GRIK4: variants seen among roughly 807,000 people sequenced by gnomAD.
GRIK4 encodes glutamate receptor ionotropic, kainate 4.
Under a neutral mutation model 104.9 loss-of-function variants are expected in GRIK4, and 40 were observed. That is an observed-to-expected ratio of 0.38 (90% confidence interval 0.30 to 0.50). GRIK4 has a LOEUF of 0.50. Among genes scored for constraint, GRIK4 ranks in the 20% least tolerant of loss-of-function variants. The pLI, the probability that GRIK4 is intolerant of heterozygous loss-of-function variation, is 0.93. For synonymous variants in GRIK4, 485 were observed against 524.9 expected (o/e 0.92, Z 1.04); for missense variants, 1,047 against 1,308.1 (o/e 0.80, Z 3.08).
chr11:120,564,337 T>A (rs1036664264), intron 1 of GRIK4: 2 of 152,202 alleles, frequency 1.3e-5, no homozygotes, highest in African/African-American at 4.8e-5. Flanking sequence ...AACTTATTAG[T>A]GTGCGCTCGC....
intron 1 of GRIK4, among the ~76,000 whole-genome samples, chr11:120,534,942 C>T (rs1007051235): frequency 6.6e-6 from 1 of 152,194 alleles, no homozygotes; most frequent in African/African-American, 2.4e-5. Flanking sequence ...TACGAGACTT[C>T]AGTGCTAAAC....
At chr11:120,602,008 T>G (rs1948894369) in intron 1 of GRIK4, among the ~76,000 whole-genome samples, 1 of 152,152 alleles carries the variant, frequency 6.6e-6, no homozygotes, top group African/African-American at 2.4e-5. Flanking sequence ...AACCCTCACC[T>G]TCTGAGCCAT....
chr11:120,979,951 C>T (rs1944624239), intron 19 of GRIK4, among the ~76,000 whole-genome samples: 1 of 139,346 alleles, frequency 7.2e-6, no homozygotes, highest in Non-Finnish European at 1.6e-5. Flanking sequence ...TCTCCTATCT[C>T]AGCCTTCCGA....
At chr11:120,521,850 G>A (rs1257213685) in intron 1 of GRIK4, among the ~76,000 whole-genome samples, 1 of 152,156 alleles carries the variant, frequency 6.6e-6, no homozygotes, top group East Asian at 1.9e-4. Context: ...ATTATCTCCC[G>A]CGGGTGGTTA....
intron 1 of GRIK4, among the ~76,000 whole-genome samples, chr11:120,577,877 T>C (rs1207665539): frequency 6.6e-6 from 1 of 152,112 alleles, no homozygotes; most frequent in African/African-American, 2.4e-5. Flanking sequence ...CACAAGCCCT[T>C]GTGCAGTGCT....
At chr11:120,775,658 C>T (rs1040369163) in intron 3 of GRIK4, among the ~76,000 whole-genome samples, 2 of 152,234 alleles carry the variant, frequency 1.3e-5, no homozygotes, top group Non-Finnish European at 2.9e-5. Flanking sequence ...AGCAGGAAGA[C>T]CTTGACTAAT....
intron 3 of GRIK4, among the ~76,000 whole-genome samples, chr11:120,767,626 C>T (rs552545481): frequency 6.6e-6 from 1 of 152,176 alleles, no homozygotes; most frequent in East Asian, 1.9e-4. Flanking sequence ...ATTGTTAAGG[C>T]CAGTGTCAAG....
intron 3 of GRIK4, among the ~76,000 whole-genome samples, chr11:120,800,081 C>T (rs1448350494): frequency 2.6e-5 from 4 of 151,660 alleles, no homozygotes; most frequent in Non-Finnish European, 5.9e-5. Flanking sequence ...CTCAAACTCA[C>T]GACCTCGGGT....
At chr11:120,707,609 A>G (rs184548739) in intron 3 of GRIK4, among the ~76,000 whole-genome samples, 110 of 152,352 alleles carry the variant, frequency 7.2e-4, no homozygotes, top group African/African-American at 2.5e-3. Context: ...TAACACAGCA[A>G]CAATCATTGA....
chr11:120,528,655 C>A (rs1469692613), intron 1 of GRIK4, among the ~76,000 whole-genome samples: 1 of 152,184 alleles, frequency 6.6e-6, no homozygotes, highest in African/African-American at 2.4e-5. Flanking sequence ...GCCTCACAAT[C>A]ATGGCGGAAG....
At chr11:120,810,771 G>A (rs998405849) in intron 4 of GRIK4, among the ~76,000 whole-genome samples, 1 of 151,926 alleles carries the variant, frequency 6.6e-6, no homozygotes, top group Non-Finnish European at 1.5e-5. Context: ...AAATAGCATC[G>A]AGCCTAATTA....
intron 3 of GRIK4, among the ~76,000 whole-genome samples, chr11:120,668,436 G>T (rs538552281): frequency 1.3e-5 from 2 of 152,238 alleles, no homozygotes; most frequent in South Asian, 2.1e-4. Flanking sequence ...GAAATGAAAA[G>T]AAAGAGGCTT....
chr11:120,951,160 C>T (rs759706826), intron 14 of GRIK4, among the ~76,000 whole-genome samples: 1 of 152,186 alleles, frequency 6.6e-6, no homozygotes, highest in African/African-American at 2.4e-5. Flanking sequence ...TCCATCCTCT[C>T]CGTGTACCCT....
chr11:120,856,202 C>T (rs901703937), intron 8 of GRIK4, among the ~76,000 whole-genome samples: 1 of 152,196 alleles, frequency 6.6e-6, no homozygotes, highest in Non-Finnish European at 1.5e-5. Flanking sequence ...TTCAGAGATC[C>T]GCCTGAAATC....
chr11:120,674,776 A>G (rs1174811743), intron 3 of GRIK4, among the ~76,000 whole-genome samples: 4 of 152,218 alleles, frequency 2.6e-5, no homozygotes, highest in Non-Finnish European at 4.4e-5. Flanking sequence ...AGGGAAACAT[A>G]TAGCCCTGGG....
intron 3 of GRIK4, among the ~76,000 whole-genome samples, chr11:120,739,077 C>A (rs763156710): frequency 6.6e-6 from 1 of 152,180 alleles, no homozygotes; most frequent in African/African-American, 2.4e-5. Context: ...ATTTGTAGCC[C>A]TTGGTCCACA....
chr11:120,562,565 C>A (rs140770532), intron 1 of GRIK4, among the ~76,000 whole-genome samples: 31 of 152,234 alleles, frequency 2.0e-4, no homozygotes, highest in African/African-American at 7.2e-4. Context: ...AGCTTGCACA[C>A]ACAGAAGTAA....
intron 1 of GRIK4, among the ~76,000 whole-genome samples, chr11:120,613,378 AG>A (rs917009056): frequency 4.6e-5 from 7 of 152,194 alleles, no homozygotes; most frequent in African/African-American, 7.2e-5. Context: ...AGCCAAGGGA[AG>A]GGGGGCTGTC....
chr11:120,911,394 A>G (rs1211882014), intron 13 of GRIK4, among the ~76,000 whole-genome samples: 2 of 149,144 alleles, frequency 1.3e-5, no homozygotes, highest in African/African-American at 4.9e-5. Context: ...GCGCGCCACC[A>G]TGCCCGGCTA....
Sources: allele counts gnomAD v4.1 joint callset (sites outside exome capture counted in the v4.1 genomes callset), GRCh38; gene constraint gnomAD v4.1.1; transcripts MANE v1.5; gene names NCBI Gene and HGNC (gene_info 2026-07-23, HGNC 2026-07-21).